The following PTPRM variants were observed in gnomAD, a reference collection of about 807,000 sequenced individuals.
The protein encoded by PTPRM is protein tyrosine phosphatase receptor type M, also known as receptor-type tyrosine-protein phosphatase mu.
In PTPRM, 47 loss-of-function variants were observed where a neutral mutation model predicts 186.7. The ratio of observed to expected loss-of-function variants is 0.25; its 90% CI spans 0.20 to 0.32. The LOEUF (loss-of-function observed/expected upper bound fraction) is 0.32. PTPRM is among the 10% of genes least tolerant of loss of function. The pLI, the probability that PTPRM is intolerant of heterozygous loss-of-function variation, is 1.00. For synonymous variants in PTPRM, 668 were observed against 674.9 expected, an observed-to-expected ratio of 0.99 and a Z score of 0.16; for missense variants, 1,494 against 1,865.0, an observed-to-expected ratio of 0.80 and a Z score of 3.66.
At chr18:7,694,798 G>A (rs1030145775) in intron 1 of PTPRM, among the ~76,000 whole-genome samples, 1 of 152,060 alleles carries the variant, frequency 6.6e-6, no homozygotes, top group African/African-American at 2.4e-5. Context: ...ATGTATTCAT[G>A]AAACATTTAT....
At chr18:7,850,789 A>AT (rs2046823351) in intron 2 of PTPRM, among the ~76,000 whole-genome samples, 1 of 152,196 alleles carries the variant, frequency 6.6e-6, no homozygotes, top group African/African-American at 2.4e-5. Flanking sequence ...GTAGCCTCAG[A>AT]TTTTCTCTAC....
At chr18:8,160,261 G>A (rs2093204392) in intron 14 of PTPRM, among the ~76,000 whole-genome samples, 1 of 151,968 alleles carries the variant, frequency 6.6e-6, no homozygotes, top group Non-Finnish European at 1.5e-5. Flanking sequence ...GGAAGTCAGG[G>A]AGAACTTTAT....
At chr18:7,614,386 T>C (rs1484848393) in intron 1 of PTPRM, among the ~76,000 whole-genome samples, 2 of 152,198 alleles carry the variant, frequency 1.3e-5, no homozygotes, top group Non-Finnish European at 2.9e-5. Flanking sequence ...AAACATCATT[T>C]AGAAGCTAAG....
At chr18:7,596,980 G>A (rs1402241881) in intron 1 of PTPRM, among the ~76,000 whole-genome samples, 2 of 151,598 alleles carry the variant, frequency 1.3e-5, no homozygotes, top group Admixed American at 1.3e-4. Flanking sequence ...CAGCCTCCCC[G>A]GTAGCTAGAA....
intron 1 of PTPRM, among the ~76,000 whole-genome samples, chr18:7,584,601 A>T (rs1165447135): frequency 6.6e-6 from 1 of 151,950 alleles, no homozygotes; most frequent in Non-Finnish European, 1.5e-5. Context: ...CTTTCTGAAT[A>T]CATATTGTTT....
chr18:8,036,541 G>T (rs571607918), intron 7 of PTPRM, among the ~76,000 whole-genome samples: 1 of 152,272 alleles, frequency 6.6e-6, no homozygotes, highest in East Asian at 1.9e-4. Context: ...ATAGTACTTT[G>T]TTCCCAAGTG....
At chr18:7,695,659 C>T (rs890761212) in intron 1 of PTPRM, among the ~76,000 whole-genome samples, 2 of 152,088 alleles carry the variant, frequency 1.3e-5, no homozygotes, top group Non-Finnish European at 2.9e-5. Flanking sequence ...TTTCATCTAC[C>T]TCAGAAGGCT....
intron 31 of PTPRM, among the ~76,000 whole-genome samples, chr18:8,389,934 G>T (rs1483246776): frequency 2.0e-5 from 3 of 152,172 alleles, no homozygotes; most frequent in Non-Finnish European, 4.4e-5. Context: ...CAAATAGAGA[G>T]TGTTTTTCTT....
chr18:7,802,109 C>G (rs2044001709), intron 2 of PTPRM, among the ~76,000 whole-genome samples: 1 of 152,146 alleles, frequency 6.6e-6, no homozygotes, highest in African/African-American at 2.4e-5. Context: ...TCTCCCTTCT[C>G]TGAGGTTCTC....
chr18:7,663,364 G>A (rs1015691542), intron 1 of PTPRM, among the ~76,000 whole-genome samples: 2 of 152,172 alleles, frequency 1.3e-5, no homozygotes, highest in African/African-American at 4.8e-5. Flanking sequence ...GAGGGGTGGG[G>A]CAGTGTTCTA....
At chr18:8,091,913 C>CT in intron 11 of PTPRM, among the ~76,000 whole-genome samples, 1 of 152,170 alleles carries the variant, frequency 6.6e-6, no homozygotes, top group South Asian at 2.1e-4. Flanking sequence ...TACAAGAAAG[C>CT]TTTTCCCAAA....
rs1282754601 is a variant in PTPRM at position 8,118,809 on chromosome 18, A to AT, written c.2167+3982_2167+3983insT. On this transcript the variant is annotated intron_variant, in intron 13 of 32. Coordinates refer to ENST00000580170, the MANE Select transcript of PTPRM (RefSeq NM_001105244.2). ...AGTGACATTCCATCTCAAAAAAAAA[A>AT]AAATATATATATATATATATATATG... is the stretch of plus-strand genomic sequence containing the variant. Among the ~76,000 whole-genome samples the AT allele has an allele frequency of 9.8e-3, 1,316 of 134,670 alleles. 9 individuals carry two copies. The highest frequency in any genetic ancestry group is 0.022 in the African/African-American group (761 of 35,374). The allele number at this position is 134,670 out of a possible 152,430, so 88.3% of individuals were successfully genotyped here.
intron 19 of PTPRM, among the ~76,000 whole-genome samples, chr18:8,281,362 TCTC>T (rs1319564632): frequency 3.3e-5 from 5 of 152,318 alleles, no homozygotes; most frequent in Admixed American, 2.0e-4. Flanking sequence ...GTTCCTGGTC[TCTC>T]CTCCTCCACC....
At chr18:8,304,168 G>A (rs1243251219) in intron 20 of PTPRM, among the ~76,000 whole-genome samples, 2 of 152,182 alleles carry the variant, frequency 1.3e-5, no homozygotes, top group African/African-American at 2.4e-5. Context: ...TCACACACAA[G>A]TTAAAACTGC....
intron 14 of PTPRM, among the ~76,000 whole-genome samples, chr18:8,146,301 G>A (rs945012715): frequency 3.9e-5 from 6 of 152,122 alleles, no homozygotes; most frequent in African/African-American, 7.2e-5. Context: ...GATTACAGGC[G>A]TGAGCCACCG....
At chr18:7,954,027 T>C (rs2053150864) in intron 6 of PTPRM, among the ~76,000 whole-genome samples, 1 of 152,238 alleles carries the variant, frequency 6.6e-6, no homozygotes, top group African/African-American at 2.4e-5. Flanking sequence ...GGGAGATTTA[T>C]GCCGGTAGAA....
intron 7 of PTPRM, among the ~76,000 whole-genome samples, chr18:8,053,456 C>A (rs2087660268): frequency 6.6e-6 from 1 of 151,958 alleles, no homozygotes; most frequent in African/African-American, 2.4e-5. Flanking sequence ...ACTTGTGTTT[C>A]CCCCAGGAAT....
At chr18:7,742,591 C>T (rs958421422) in intron 1 of PTPRM, among the ~76,000 whole-genome samples, 7 of 152,170 alleles carry the variant, frequency 4.6e-5, no homozygotes, top group Non-Finnish European at 4.4e-5. Context: ...GTAATCCCAG[C>T]GCTTTGGCAG....
chr18:7,917,915 A>G (rs2050654697), intron 4 of PTPRM, among the ~76,000 whole-genome samples: 1 of 152,116 alleles, frequency 6.6e-6, no homozygotes, highest in Non-Finnish European at 1.5e-5. Flanking sequence ...GCTCCAACAT[A>G]AGAGTGAGAA....
Sources: gnomAD v4.1 joint callset for allele counts (sites outside exome capture counted in the v4.1 genomes callset) on GRCh38, gnomAD v4.1.1 for gene constraint, MANE v1.5 for transcripts, NCBI Gene and HGNC (gene_info 2026-07-23, HGNC 2026-07-21) for gene names.